THSD7A: variants seen among roughly 807,000 people sequenced by gnomAD.
THSD7A encodes the protein thrombospondin type 1 domain containing 7A, also known as thrombospondin type-1 domain-containing protein 7A.
A neutral mutation model predicts 231.3 loss-of-function variants in THSD7A; 96 were observed. The observed-to-expected ratio is 0.41, with a 90% CI of 0.35 to 0.49. The LOEUF (loss-of-function observed/expected upper bound fraction) is 0.49, where lower values mean the gene tolerates loss of function less well. THSD7A is among the 20% of genes least tolerant of loss of function. The pLI, the probability that THSD7A is intolerant of heterozygous loss-of-function variation, is 0.05. For synonymous variants in THSD7A, 940 were observed against 743.3 expected (o/e 1.26, Z -4.30); for missense variants, 2,290 against 2,070.2 (o/e 1.11, Z -2.06).
At chr7:11,480,499 TAG>T (rs1301417896) in intron 7 of THSD7A, among the ~76,000 whole-genome samples, 5 of 152,222 alleles carry the variant, frequency 3.3e-5, no homozygotes, top group African/African-American at 1.2e-4. Context: ...TTCACGAGGT[TAG>T]AGTCATTGTT....
chr7:11,769,143 A>T (rs1292974824), intron 1 of THSD7A, among the ~76,000 whole-genome samples: 1,278 of 35,210 alleles, frequency 0.036, 105 homozygotes, highest in Non-Finnish European at 0.053. Flanking sequence ...ATATATATAT[A>T]TATATATATA....
chr7:11,542,886 A>C, intron 5 of THSD7A, 76 bp downstream of exon 5: 2 of 1,473,748 alleles, frequency 1.4e-6, no homozygotes, highest in East Asian at 4.7e-5. Flanking sequence ...AGGAACACAG[A>C]AGAGCATTTT....
chr7:11,457,948 A>C (rs1785364124), intron 11 of THSD7A, among the ~76,000 whole-genome samples: 2 of 152,094 alleles, frequency 1.3e-5, no homozygotes, highest in African/African-American at 2.4e-5. Flanking sequence ...AATTCTTGTT[A>C]GGTGACATTA....
intron 1 of THSD7A, among the ~76,000 whole-genome samples, chr7:11,780,610 A>G (rs1783592021): frequency 1.3e-5 from 2 of 152,202 alleles, no homozygotes; most frequent in African/African-American, 4.8e-5. Context: ...CTATAGCCCC[A>G]TCTAGGCTCT....
intron 4 of THSD7A, among the ~76,000 whole-genome samples, chr7:11,585,997 A>G: frequency 6.6e-6 from 1 of 152,126 alleles, no homozygotes; most frequent in East Asian, 1.9e-4. Context: ...GACCTGCCGT[A>G]TTATTTTCCA....
intron 2 of THSD7A, among the ~76,000 whole-genome samples, chr7:11,604,121 A>T (rs909336320): frequency 6.6e-6 from 1 of 152,126 alleles, no homozygotes; most frequent in Non-Finnish European, 1.5e-5. Context: ...TGTGCCAGAC[A>T]CTGTTCTAAT....
At chr7:11,818,291 A>G (rs928120318) in intron 1 of THSD7A, among the ~76,000 whole-genome samples, 3 of 152,226 alleles carry the variant, frequency 2.0e-5, no homozygotes, top group Non-Finnish European at 4.4e-5. Flanking sequence ...TTTTAGCTAC[A>G]TAATCAATGT....
intron 1 of THSD7A, among the ~76,000 whole-genome samples, chr7:11,697,390 T>C (rs138247734): frequency 6.6e-6 from 1 of 151,348 alleles, no homozygotes; most frequent in Admixed American, 6.6e-5. Context: ...TAATTTTTCA[T>C]GCTTTTATGT....
At chr7:11,790,557 A>G (rs1729592146) in intron 1 of THSD7A, among the ~76,000 whole-genome samples, 1 of 152,000 alleles carries the variant, frequency 6.6e-6, no homozygotes, top group Admixed American at 6.6e-5. Context: ...GAAATTGAAA[A>G]CTACGTTAAA....
intron 16 of THSD7A, among the ~76,000 whole-genome samples, chr7:11,423,616 G>A (rs1464346771): frequency 1.3e-5 from 2 of 151,810 alleles, no homozygotes; most frequent in African/African-American, 2.4e-5. Flanking sequence ...TGATCCACCC[G>A]CCTCGGCCTC....
intron 6 of THSD7A, 28 bp downstream of exon 6, chr7:11,541,390 TA>T (rs754339975): frequency 1.2e-6 from 2 of 1,608,756 alleles, no homozygotes; most frequent in African/African-American, 1.3e-5. Flanking sequence ...TGGACATCCA[TA>T]AAAACATAAT....
At chr7:11,476,480 A>G (rs886861161) in intron 7 of THSD7A, among the ~76,000 whole-genome samples, 4 of 152,074 alleles carry the variant, frequency 2.6e-5, no homozygotes, top group Non-Finnish European at 4.4e-5. Flanking sequence ...ATTTTATGAC[A>G]ATTTTTGTGT....
chr7:11,763,053 C>A (rs1481066022), intron 1 of THSD7A, among the ~76,000 whole-genome samples: 2 of 152,152 alleles, frequency 1.3e-5, no homozygotes, highest in Non-Finnish European at 2.9e-5. Flanking sequence ...CATTTCATTG[C>A]TTAAAATTCT....
chr7:11,424,792 T>C lies in THSD7A; in HGVS notation c.3287A>G (p.Gln1096Arg). ...CCAGGGCTCTGTGACCCATAGGTAC[T>C]GGTTGCAGTCACTGTGGCATGGGAC... ...EVVPCHSDCN[Q>R]YLWVTEPWSI... The change falls in exon 16 of 28, where the codon CAG (glutamine) becomes CGG (arginine). Residue 1096 changes from glutamine (Q) to arginine (R), a missense_variant. Transcript: ENST00000423059. 1.9e-6 allele frequency: 3 copies of C among 1,614,006 alleles called. No individual in the cohort carries two copies. The highest frequency in any genetic ancestry group is 2.5e-6 in the Non-Finnish European group (3 of 1,179,878).
intron 1 of THSD7A, among the ~76,000 whole-genome samples, chr7:11,790,146 C>T (rs1229244684): frequency 1.3e-5 from 2 of 151,832 alleles, no homozygotes; most frequent in Non-Finnish European, 2.9e-5. Flanking sequence ...GTTAAAAGCA[C>T]ACATTATTGA....
intron 2 of THSD7A, among the ~76,000 whole-genome samples, chr7:11,629,813 T>C (rs1781590637): frequency 6.6e-6 from 1 of 152,154 alleles, no homozygotes; most frequent in Non-Finnish European, 1.5e-5. Context: ...ATATATAGGA[T>C]TTTATGTCTG....
intron 13 of THSD7A, among the ~76,000 whole-genome samples, chr7:11,432,299 T>C (rs1232492579): frequency 6.6e-6 from 1 of 152,108 alleles, no homozygotes; most frequent in Non-Finnish European, 1.5e-5. Flanking sequence ...GATAAATAGA[T>C]TTCTGGCATA....
chr7:11,431,500 CCA>C (rs1784477342), intron 13 of THSD7A, among the ~76,000 whole-genome samples: 1 of 152,098 alleles, frequency 6.6e-6, no homozygotes, highest in South Asian at 2.1e-4. Flanking sequence ...AATCAGTTGA[CCA>C]CAGTGTAACG....
chr7:11,441,191 C>G (rs1784793082), intron 13 of THSD7A, among the ~76,000 whole-genome samples: 1 of 151,958 alleles, frequency 6.6e-6, no homozygotes, highest in South Asian at 2.1e-4. Flanking sequence ...CTAAGATATC[C>G]TCATCAATCT....
Sources: allele counts gnomAD v4.1 joint callset (sites outside exome capture counted in the v4.1 genomes callset), GRCh38; gene constraint gnomAD v4.1.1; transcripts MANE v1.5; gene names NCBI Gene and HGNC (gene_info 2026-07-23, HGNC 2026-07-21).